The following LRP1 variants were observed in gnomAD, a reference collection of about 807,000 sequenced individuals.
LRP1 encodes prolow-density lipoprotein receptor-related protein 1.
In LRP1, 51 loss-of-function variants were observed where a neutral mutation model predicts 541.5. The ratio of observed to expected loss-of-function variants is 0.09; its 90% CI spans 0.08 to 0.12. LRP1 has a LOEUF of 0.12. Ranked by LOEUF, LRP1 falls within the 10% of genes least tolerant of loss-of-function variation. The pLI, the probability that LRP1 is intolerant of heterozygous loss-of-function variation, is 1.00. For missense variants in LRP1, 3,878 were observed against 6,376.2 expected, an observed-to-expected ratio of 0.61 and a Z score of 13.34; for synonymous variants, 2,219 against 2,470.8, an observed-to-expected ratio of 0.90 and a Z score of 3.02.
At chr12:57,151,268 C>T (rs544139193) in intron 6 of LRP1, among the ~76,000 whole-genome samples, 1 of 152,170 alleles carries the variant, frequency 6.6e-6, no homozygotes, top group East Asian at 1.9e-4. Flanking sequence ...GATGGGGTGC[C>T]AGGACACCAG....
Position 57,201,776 on chromosome 12 carries a change from G to A in LRP1, c.10469-4G>A, listed in dbSNP as rs1318724392. Reference sequence around the variant, plus strand: ...ATCCTCACCCCATGCCCACCCGCTTGCAGCCCAGATGACCTGTGGTGTGGA... The same window carrying A: ...ATCCTCACCCCATGCCCACCCGCTTACAGCCCAGATGACCTGTGGTGTGGA... On this transcript the variant is annotated splice_polypyrimidine_tract_variant and splice_region_variant and intron_variant, in intron 66 of 88. Coordinates refer to ENST00000243077, the MANE Select transcript of LRP1 (RefSeq NM_002332.3). The surrounding 1 kb of genome is among the most constrained non-coding windows in gnomAD (Gnocchi z 6.4). The A allele has an allele frequency of 6.2e-7, 1 of 1,613,934 alleles. No individual in the cohort carries two copies. Among genetic ancestry groups the A allele is most frequent in the East Asian group, 2.2e-5 (1 of 44,872 alleles).
At chr12:57,176,659 A>G (rs534124999) in intron 24 of LRP1, among the ~76,000 whole-genome samples, 1 of 152,354 alleles carries the variant, frequency 6.6e-6, no homozygotes, top group South Asian at 2.1e-4. Flanking sequence ...TGAAACCATT[A>G]CAAATGTCCA....
At chr12:57,138,704 T>A (rs2035225443) in intron 2 of LRP1, 123 bp downstream of exon 2, 4 of 1,351,056 alleles carry the variant, frequency 3.0e-6, no homozygotes, top group Non-Finnish European at 4.1e-6. Flanking sequence ...TGATTGTATT[T>A]GTCCATGACA....
chr12:57,186,039 G>C, intron 41 of LRP1, 131 bp downstream of exon 41: 2 of 1,055,550 alleles, frequency 1.9e-6, no homozygotes, highest in South Asian at 1.7e-5. Context: ...GAATCCAACT[G>C]CACCCCCGCA....
chr12:57,206,574 G>A lies in LRP1; in HGVS notation c.11692G>A (p.Glu3898Lys). The A allele has an allele frequency of 5.6e-6, 9 of 1,614,196 alleles. No individual in the cohort carries two copies. Among genetic ancestry groups the A allele is most frequent in the Middle Eastern group, 1.6e-4 (1 of 6,062 alleles). Residue 3898 changes from glutamate to lysine, a missense_variant, in exon 76 of 89, where the codon GAG becomes AAG. By Grantham distance (56) the Glu-to-Lys change is moderately conservative (BLOSUM62 1). This residue lies in a region of LRP1 where 871 missense variants were observed against 1,212.4 expected (regional missense o/e 0.72). Coordinates refer to ENST00000243077, the MANE Select transcript of LRP1 (RefSeq NM_002332.3). This position sits in a 1 kb window ranked among gnomAD's most constrained non-coding sequence, Gnocchi z 4.7. Reference sequence around the variant, plus strand: ...TTACGAGCAGGCATTCCAGGGTGACGAGAGTGTCCGCATTGATGCTATGGA... The same window carrying A: ...TTACGAGCAGGCATTCCAGGGTGACAAGAGTGTCCGCATTGATGCTATGGA... ...SAYEQAFQGD[E>K]SVRIDAMDVH...
Position 57,175,890 on chromosome 12 carries a change from C to G in LRP1, c.3794-19C>G. On this transcript the variant is annotated intron_variant, in intron 23 of 88. Transcript: ENST00000243077. The stretch of plus-strand genomic sequence containing the variant: ...GCAGCTAGCCCCTTGCTGACCCCAT[C>G]ACATCCCTCCCATCCCAGACCCCTT... 1 of 1,613,256 alleles carries G rather than the reference C, an allele frequency of 6.2e-7. No homozygotes were observed. The highest frequency in any genetic ancestry group is 1.1e-5 in the South Asian group (1 of 91,056).
Position 57,211,679 on chromosome 12 carries a change from C to A in LRP1, c.13194-71C>A. 7.7e-7 allele frequency: 1 copy of A among 1,291,354 alleles called. No individual in the cohort carries two copies. The highest frequency in any genetic ancestry group is 1.7e-5 in the Admixed American group (1 of 58,698). The allele number at this position is 1,291,354 out of a possible 1,614,324, so 80.0% of individuals were successfully genotyped here. The stretch of plus-strand genomic sequence containing the variant: ...GACCGTCAGGCCTCAGTGCCCACCC[C>A]CCGCCCTGTTTTCCTGGCAGCAGTG... On this transcript the variant is annotated intron_variant, in intron 85 of 88. Transcript: ENST00000243077. This position sits in a 1 kb window ranked among gnomAD's most constrained non-coding sequence, Gnocchi z 4.3.
chr12:57,204,935 G>A lies in LRP1; in HGVS notation c.11195-174G>A. 3.8e-6 allele frequency: 5 copies of A among 1,322,106 alleles called. No individual in the cohort carries two copies. The highest frequency in any genetic ancestry group is 5.1e-6 in the Non-Finnish European group (5 of 971,158). The allele number at this position is 1,322,106 out of a possible 1,614,324, so 81.9% of individuals were successfully genotyped here. ...AGAGAAGCCCCTGGGGAAGGCTCTG[G>A]GGGCTGCCTGATGCCTTAGGTCTTG... On this transcript the variant is annotated intron_variant, in intron 72 of 88. Transcript: ENST00000243077. This position sits in a 1 kb window ranked among gnomAD's most constrained non-coding sequence, Gnocchi z 5.3.
chr12:57,173,765 G>T lies in LRP1; in HGVS notation c.3347-15G>T. ...GTCCCCGGGCCTGGGCCCTCATAGT[G>T]CACCTGTCCCTCAGCTCGGTGCATC... On this transcript the variant is annotated splice_polypyrimidine_tract_variant and intron_variant, in intron 21 of 88. Coordinates refer to ENST00000243077, the MANE Select transcript of LRP1 (RefSeq NM_002332.3). The surrounding 1 kb of genome is among the most constrained non-coding windows in gnomAD (Gnocchi z 4.7). 6.2e-7 allele frequency: 1 copy of T among 1,614,062 alleles called. No individual in the cohort carries two copies. Among genetic ancestry groups the T allele is most frequent in the Non-Finnish European group, 8.5e-7 (1 of 1,179,914 alleles).
Position 57,156,272 on chromosome 12 carries a change from G to A in LRP1, c.1406G>A (p.Arg469His), listed in dbSNP as rs1036176976. The A allele has an allele frequency of 4.3e-6, 7 of 1,614,104 alleles. No homozygotes were observed. The highest frequency in any genetic ancestry group is 2.2e-5 in the East Asian group (1 of 44,874). ...GCCCTCCACATCTACCACCAGAGGC[G>A]TCAGCCCCGAGGTGAGCAGGGCTCC... ...GGALHIYHQR[R>H]QPRVRSHACE... The change falls in exon 9 of 89, where the codon CGT becomes CAT. Residue 469 changes from arginine (R) to histidine (H), a missense_variant. Around this residue, in one of 13 missense-constraint regions of LRP1, gnomAD observed 496 missense variants for 861.0 expected, o/e 0.58. Coordinates refer to ENST00000243077, the MANE Select transcript of LRP1 (RefSeq NM_002332.3). The surrounding 1 kb of genome is among the most constrained non-coding windows in gnomAD (Gnocchi z 5.2).
At chr12:57,176,429 C>T (rs1213593350) in intron 24 of LRP1, among the ~76,000 whole-genome samples, 7 of 152,208 alleles carry the variant, frequency 4.6e-5, no homozygotes, top group Admixed American at 2.0e-4. Context: ...CTTTCTGTCC[C>T]AGGCAGCGTG....
In LRP1 at chr12:57,183,380, C is replaced by T. The variant is rs774831075; in HGVS notation, c.5664C>T (p.Gly1888=). Reference sequence around the variant, plus strand: ...GCCTTAAGTTTCCTTGTCTTTCAGGCGTAGGTTCCTTTCTCCTGTACTCTG... The same window carrying T: ...GCCTTAAGTTTCCTTGTCTTTCAGGTGTAGGTTCCTTTCTCCTGTACTCTG... ...SLRSGQQACE[G]VGSFLLYSVH... Residue 1888 remains glycine, a splice_region_variant and synonymous_variant, in exon 35 of 89, where the codon GGC becomes GGT. Transcript: ENST00000243077. The surrounding 1 kb of genome is among the most constrained non-coding windows in gnomAD (Gnocchi z 6.1). 12 of 1,601,908 alleles carry T rather than the reference C, an allele frequency of 7.5e-6. No homozygotes were observed. The highest frequency in any genetic ancestry group is 1.7e-5 in the Admixed American group (1 of 59,374).
At chr12:57,194,166 C>T (rs1437282985) in intron 48 of LRP1, among the ~76,000 whole-genome samples, 154 bp downstream of exon 48, 2 of 152,222 alleles carry the variant, frequency 1.3e-5, no homozygotes, top group East Asian at 1.9e-4. Flanking sequence ...GTCCCCATCC[C>T]GCTCCTGCTC....
chr12:57,142,459 G>A (rs2035314108), intron 3 of LRP1, among the ~76,000 whole-genome samples: 1 of 152,054 alleles, frequency 6.6e-6, no homozygotes. Context: ...GGAGTTTGTG[G>A]AAGATTTTTC....
chr12:57,194,219 G>C (rs1302553998), intron 48 of LRP1, 135 bp from the exon 49 acceptor site: 1 of 1,105,702 alleles, frequency 9.0e-7, no homozygotes, highest in Non-Finnish European at 1.3e-6. Context: ...TGAGCAGATG[G>C]TGCAGACAGT....
intron 34 of LRP1, 53 bp downstream of exon 34, chr12:57,181,344 C>G: frequency 6.4e-7 from 1 of 1,565,828 alleles, no homozygotes; most frequent in Non-Finnish European, 8.6e-7. Flanking sequence ...ACCCTGACCC[C>G]TCCTACCCTA....
chr12:57,211,916 C>A lies in LRP1; in HGVS notation c.13259-11C>A. Reference sequence around the variant, plus strand: ...GCCTTGGTGACTCAGTGTCCCACCTCTTCCCTCCAGATATAGCCTCCATCC... The same window carrying A: ...GCCTTGGTGACTCAGTGTCCCACCTATTCCCTCCAGATATAGCCTCCATCC... On this transcript the variant is annotated splice_polypyrimidine_tract_variant and intron_variant, in intron 86 of 88. Coordinates refer to ENST00000243077, the MANE Select transcript of LRP1 (RefSeq NM_002332.3). This position sits in a 1 kb window ranked among gnomAD's most constrained non-coding sequence, Gnocchi z 4.3. 6.2e-7 allele frequency: 1 copy of A among 1,614,046 alleles called. No individual in the cohort carries two copies. Among genetic ancestry groups the A allele is most frequent in the Non-Finnish European group, 8.5e-7 (1 of 1,179,940 alleles).
chr12:57,177,664 A>T lies in LRP1; in HGVS notation c.4361+73A>T. The T allele has an allele frequency of 6.6e-7, 1 of 1,508,144 alleles. No homozygotes were observed. The highest frequency in any genetic ancestry group is 1.4e-5 in the African/African-American group (1 of 72,752). 93.4% of individuals were successfully genotyped at this position (1,508,144 alleles called of 1,614,324 possible). A position where few individuals can be genotyped will look rare whatever the true frequency, so the allele number is the denominator to read the frequency against. On this transcript the variant is annotated intron_variant, in intron 26 of 88. Coordinates refer to ENST00000243077, the MANE Select transcript of LRP1 (RefSeq NM_002332.3). This position sits in a 1 kb window ranked among gnomAD's most constrained non-coding sequence, Gnocchi z 6.8. ...ACGGGGTGGGGAGGAACCTGTGGTG[A>T]TGAGGGTGATGAGAAGGACCAAGGG...
chr12:57,187,377 G>A lies in LRP1; in HGVS notation c.6952G>A (p.Gly2318Arg). Residue 2318 changes from glycine to arginine, a missense_variant, in exon 42 of 89, where the codon GGG becomes AGG. By Grantham distance (125) the Gly-to-Arg change is moderately radical. This residue lies in a region of LRP1 where 1,100 missense variants were observed against 1,827.4 expected (regional missense o/e 0.60). Coordinates refer to ENST00000243077, the MANE Select transcript of LRP1 (RefSeq NM_002332.3). ...CCACACAGTGGACCAGACCCGCCCA[G>A]GGGCCTTCGAGCGTGAGACCGTCAT... Reference protein sequence around the residue: ...TRHTVDQTRPGAFERETVITM... With the variant: ...TRHTVDQTRPRAFERETVITM... 6.2e-7 allele frequency: 1 copy of A among 1,614,202 alleles called. No homozygotes were observed. The highest frequency in any genetic ancestry group is 8.5e-7 in the Non-Finnish European group (1 of 1,180,042).
Sources: allele counts gnomAD v4.1 joint callset (sites outside exome capture counted in the v4.1 genomes callset), GRCh38; gene constraint gnomAD v4.1.1; regional missense constraint gnomAD v4.1.1; non-coding constraint Gnocchi (gnomAD v3.1); transcripts MANE v1.5; gene names NCBI Gene and HGNC (gene_info 2026-07-23, HGNC 2026-07-21).